Variants in DPH6 observed in about 807,000 individuals in gnomAD.
DPH6 encodes diphthamine biosynthesis 6.
A neutral mutation model predicts 38.2 loss-of-function variants in DPH6; 33 were observed. That is an observed-to-expected ratio of 0.86 (90% CI 0.65 to 1.15). The LOEUF is 1.15. Among genes scored for constraint, DPH6 ranks in the 50% most tolerant of loss-of-function variants. DPH6 has a pLI of 0.00. For synonymous variants in DPH6, 108 were observed against 103.0 expected, an observed-to-expected ratio of 1.05 and a Z score of -0.30; for missense variants, 325 against 320.0, an observed-to-expected ratio of 1.02 and a Z score of -0.12.
intron 7 of DPH6, among the ~76,000 whole-genome samples, chr15:35,378,304 G>A (rs766210192): frequency 5.3e-5 from 8 of 152,116 alleles, no homozygotes; most frequent in Non-Finnish European, 1.0e-4. Flanking sequence ...TTAGACTGGC[G>A]ATCATTAAAA....
intron 3 of DPH6, among the ~76,000 whole-genome samples, chr15:35,354,034 T>C (rs1052386605): frequency 6.6e-6 from 1 of 152,176 alleles, no homozygotes; most frequent in African/African-American, 2.4e-5. Context: ...TTTATTCTGT[T>C]TGAAGCAATT....
At position 35,276,822 on chromosome 15, in the gene DPH6, G is replaced by C. The variant is rs927138388; in HGVS notation, n.201-56240C>G. Among the ~76,000 whole-genome samples the C allele has an allele frequency of 3.3e-5, 5 of 152,132 alleles. No individual in the cohort carries two copies. The South Asian group carries it at 1.0e-3, about 32-fold the overall frequency. ...TTTTATACAGTACCATGCTGTTTTGGTGAGTATGGCCTTATAGTGTAGTTT... is the reference window on the plus strand; with the variant it reads ...TTTTATACAGTACCATGCTGTTTTGCTGAGTATGGCCTTATAGTGTAGTTT... On this transcript the variant is annotated intron_variant and non_coding_transcript_variant, in intron 3 of 3. Coordinates refer to the DPH6 transcript ENST00000560386.
At chr15:35,210,935 T>G in the DPH6 span, among the ~76,000 whole-genome samples, 7 of 140,098 alleles carry the variant, frequency 5.0e-5, no homozygotes, top group Non-Finnish European at 1.1e-4. Context: ...TCTAAGGACA[T>G]AGATAGATCA....
chr15:35,276,842 T>C (rs142407482), intron 3 of DPH6, among the ~76,000 whole-genome samples: 1 of 152,348 alleles, frequency 6.6e-6, no homozygotes, highest in East Asian at 1.9e-4. Context: ...CCTTATAGTG[T>C]AGTTTGAAAT....
intron 3 of DPH6, among the ~76,000 whole-genome samples, chr15:35,458,976 T>C (rs2141099843): frequency 6.6e-6 from 1 of 152,320 alleles, no homozygotes; most frequent in East Asian, 1.9e-4. Flanking sequence ...ACCTAAAGAA[T>C]GGGACCAATG....
intron 3 of DPH6, among the ~76,000 whole-genome samples, chr15:35,344,628 T>C (rs2052447253): frequency 6.6e-6 from 1 of 151,944 alleles, no homozygotes; most frequent in Non-Finnish European, 1.5e-5. Flanking sequence ...TAAAATAGCA[T>C]ATGATATAAT....
At position 35,236,458 on chromosome 15, in the gene DPH6, GAA is replaced by G. The variant is rs2051551759; in HGVS notation, n.201-15878_201-15877del. 2.6e-5 allele frequency among the ~76,000 whole-genome samples: 4 copies of G among 152,146 alleles called. No homozygotes were observed. The South Asian group carries it at 8.3e-4, about 32-fold the overall frequency. ...TCGAGACCATCCGGGCTAACACGGT[GAA>G]ACCCCGTCTCTACTAAAAATACAAA... On this transcript the variant is annotated intron_variant and non_coding_transcript_variant, in intron 3 of 3. Transcript: ENST00000560386.
At chr15:35,165,866 GAATTGTCTAGAAATTCTCAGCTATC>G in the DPH6 span, among the ~76,000 whole-genome samples, 1 of 151,868 alleles carries the variant, frequency 6.6e-6, no homozygotes, top group Non-Finnish European at 1.5e-5. Flanking sequence ...AGAAAGTTTT[GAATTGTCTAGAAATTCTCAGCTATC>G]AATACAATTC....
intron 3 of DPH6, among the ~76,000 whole-genome samples, chr15:35,333,412 A>G (rs2052342966): frequency 6.6e-6 from 1 of 152,194 alleles, no homozygotes; most frequent in South Asian, 2.1e-4. Flanking sequence ...AGAAAAGACA[A>G]AGTAAAAAAG....
In DPH6 at chr15:35,227,080, G is replaced by A. The variant is rs189505354; in HGVS notation, n.201-6498C>T. Among the ~76,000 whole-genome samples, 47 of 147,336 alleles carry A rather than the reference G, an allele frequency of 3.2e-4. 1 individual carries two copies. The East Asian group carries it at 6.0e-3, about 19-fold the overall frequency. On this transcript the variant is annotated intron_variant and non_coding_transcript_variant, in intron 3 of 3. Coordinates refer to the DPH6 transcript ENST00000560386. Reference sequence around the variant, plus strand: ...GGTTGTATGTGCTGGAAATTTGTCCGTTTCTTTTAGATTTTCCAATTTATT... The same window carrying A: ...GGTTGTATGTGCTGGAAATTTGTCCATTTCTTTTAGATTTTCCAATTTATT...
intron 3 of DPH6, among the ~76,000 whole-genome samples, chr15:35,357,730 G>C (rs1470752770): frequency 6.6e-6 from 1 of 152,200 alleles, no homozygotes; most frequent in Admixed American, 6.5e-5. Flanking sequence ...CTCGCTTGTA[G>C]AGTTTCTGCT....
chr15:35,446,635 G>A (rs1475378652), intron 5 of DPH6, among the ~76,000 whole-genome samples: 1 of 152,070 alleles, frequency 6.6e-6, no homozygotes, highest in Non-Finnish European at 1.5e-5. Flanking sequence ...TTATGTTTTT[G>A]GTAAGGCTTC....
chr15:35,511,426 T>C (rs1239645039), intron 3 of DPH6, among the ~76,000 whole-genome samples: 1 of 151,556 alleles, frequency 6.6e-6, no homozygotes, highest in East Asian at 1.9e-4. Context: ...CATACACACA[T>C]GTGAGATGAA....
chr15:35,259,655 T>C (rs925006834), intron 3 of DPH6, among the ~76,000 whole-genome samples: 3 of 152,210 alleles, frequency 2.0e-5, no homozygotes, highest in Non-Finnish European at 4.4e-5. Context: ...GTCAAGGACC[T>C]GGAAGTAAGC....
chr15:35,395,345 C>A (rs1238703124), intron 6 of DPH6, among the ~76,000 whole-genome samples: 1 of 152,140 alleles, frequency 6.6e-6, no homozygotes, highest in Non-Finnish European at 1.5e-5. Context: ...TACTCCTAAT[C>A]CATGAATACT....
At chr15:35,506,367 G>A (rs1456370961) in intron 3 of DPH6, among the ~76,000 whole-genome samples, 1 of 152,000 alleles carries the variant, frequency 6.6e-6, no homozygotes, top group African/African-American at 2.4e-5. Context: ...TGTTAGTTTT[G>A]CCCCAACAGA....
At chr15:35,150,450 C>A in the DPH6 span, among the ~76,000 whole-genome samples, 1 of 152,196 alleles carries the variant, frequency 6.6e-6, no homozygotes, top group African/African-American at 2.4e-5. Flanking sequence ...CAGTATCTGC[C>A]AATAGTGATG....
chr15:35,520,900 C>G lies in DPH6; in HGVS notation c.312+17374G>C, dbSNP rs1429606639. 3.0e-6 allele frequency: 3 copies of G among 984,978 alleles called. No individual in the cohort carries two copies. The African/African-American group carries it at 5.2e-5, about 17-fold the overall frequency. The allele number at this position is 984,978 out of a possible 1,614,324, so 61.0% of individuals were successfully genotyped here. A position where few individuals can be genotyped will look rare whatever the true frequency, so the allele number is the denominator to read the frequency against. On this transcript the variant is annotated intron_variant, in intron 3 of 8. Coordinates refer to ENST00000256538, the MANE Select transcript of DPH6 (RefSeq NM_080650.4). ...AATTCCCTGGAAAAACAGTATACAA[C>G]TCATTTTGTCACTCTCAAAATTCCA...
chr15:35,194,621 A>G, the DPH6 span, among the ~76,000 whole-genome samples: 1 of 152,226 alleles, frequency 6.6e-6, no homozygotes, highest in African/African-American at 2.4e-5. Context: ...GTAGTCGAAT[A>G]TTTCAAATCA....
Sources: gnomAD v4.1 joint callset for allele counts (sites outside exome capture counted in the v4.1 genomes callset) on GRCh38, gnomAD v4.1.1 for gene constraint, MANE v1.5 for transcripts, NCBI Gene and HGNC (gene_info 2026-07-23, HGNC 2026-07-21) for gene names.